CDH17: variants seen among roughly 807,000 people sequenced by gnomAD.
CDH17 encodes the protein cadherin 17, also known as cadherin-17.
A neutral mutation model predicts 86.3 loss-of-function variants in CDH17; 67 were observed. That is an observed-to-expected ratio of 0.78 (90% CI 0.64 to 0.95). CDH17 has a LOEUF of 0.95. Ranked by LOEUF, CDH17 falls within the 40% of genes least tolerant of loss-of-function variation. The pLI is 0.00. For synonymous variants in CDH17, 367 were observed against 366.4 expected, an observed-to-expected ratio of 1.00 and a Z score of -0.02; for missense variants, 993 against 1,017.6, an observed-to-expected ratio of 0.98 and a Z score of 0.33.
In CDH17 at chr8:94,165,972, G is replaced by A; in HGVS notation, c.1071C>T (p.Asn357=). Residue 357 remains asparagine, a synonymous_variant, in exon 10 of 18, where the codon AAC becomes AAT. Transcript: ENST00000027335. The part of the protein sequence containing the change: ...FEVQENERLG[N]SIGTLTAHDR... ...CATGTGCAGTAAGGGTCCCGATACT[G>A]TTACCTATGAGGAAGGAAAGAAGGA... 1 of 1,605,084 alleles carries A rather than the reference G, an allele frequency of 6.2e-7. No homozygotes were observed. The highest frequency in any genetic ancestry group is 1.3e-5 in the African/African-American group (1 of 74,826).
chr8:94,136,157 T>A (rs879313471), intron 15 of CDH17, among the ~76,000 whole-genome samples: 1 of 152,146 alleles, frequency 6.6e-6, no homozygotes, highest in Non-Finnish European at 1.5e-5. Context: ...TCGAGGAGTA[T>A]CTTTGTGGTG....
intron 3 of CDH17, among the ~76,000 whole-genome samples, chr8:94,178,595 T>C (rs1813418615): frequency 6.6e-6 from 1 of 152,098 alleles, no homozygotes; most frequent in East Asian, 1.9e-4. Context: ...AGTGAAATTA[T>C]TATGGCACAT....
chr8:94,156,730 C>T (rs370904499), intron 12 of CDH17, among the ~76,000 whole-genome samples: 8 of 152,220 alleles, frequency 5.3e-5, no homozygotes, highest in African/African-American at 1.9e-4. Context: ...GGAAAGCATA[C>T]CTGTCCGCAG....
intron 1 of CDH17, 73 bp downstream of exon 1, chr8:94,208,410 C>T (rs985269684): frequency 4.6e-5 from 7 of 152,182 alleles, no homozygotes; most frequent in Admixed American, 2.6e-4. Flanking sequence ...TTTTAAGTGC[C>T]CTCCCCCTCC....
At chr8:94,212,073 T>A (rs1335021292), upstream of CDH17, among the ~76,000 whole-genome samples, 3 of 152,214 alleles carry the variant, frequency 2.0e-5, no homozygotes, top group Non-Finnish European at 4.4e-5. Context: ...TGAAGCAGAA[T>A]CTTTCTTAAC....
intron 12 of CDH17, 95 bp from the exon 13 acceptor site, chr8:94,152,207 T>C (rs1812869828): frequency 2.2e-6 from 3 of 1,342,694 alleles, no homozygotes; most frequent in South Asian, 1.4e-5. Context: ...ATATTCGATA[T>C]ATAATATTGG....
In CDH17 at chr8:94,177,688, GT is replaced by G. The variant is rs1452987148; in HGVS notation, c.183del (p.Glu61AspfsTer2). ...FKANPPAVTF[E>X]LTGETDNIFV... ...AATATGTTGTCTGTCTCCCCAGTTA[GT>G]TCAAAAGTCACAGCAGGAGGATTGG... On this transcript the variant is annotated frameshift_variant, in exon 4 of 18. Coordinates refer to ENST00000027335, the MANE Select transcript of CDH17 (RefSeq NM_004063.4). LOFTEE classifies it high-confidence loss of function. 6.2e-7 allele frequency: 1 copy of G among 1,613,558 alleles called. No homozygotes were observed. The highest frequency in any genetic ancestry group is 1.3e-5 in the African/African-American group (1 of 74,886).
intron 9 of CDH17, among the ~76,000 whole-genome samples, 182 bp from the exon 10 acceptor site, chr8:94,166,158 T>A (rs528664937): frequency 1.3e-5 from 2 of 152,362 alleles, no homozygotes; most frequent in South Asian, 4.1e-4. Context: ...ATAGTGTATT[T>A]GTCAGCCAGG....
chr8:94,153,178 A>G (rs1035175997), intron 12 of CDH17, among the ~76,000 whole-genome samples: 5 of 152,200 alleles, frequency 3.3e-5, no homozygotes, highest in Admixed American at 2.6e-4. Flanking sequence ...CAGTAGCAAG[A>G]AAACAACCTG....
chr8:94,139,035 T>C (rs952403895), intron 15 of CDH17, among the ~76,000 whole-genome samples: 8 of 152,130 alleles, frequency 5.3e-5, no homozygotes, highest in Admixed American at 2.0e-4. Context: ...AATTGACGCC[T>C]ACCCAGAAAT....
chr8:94,176,491 C>A, intron 5 of CDH17, 50 bp downstream of exon 5: 3 of 1,603,882 alleles, frequency 1.9e-6, no homozygotes, highest in Non-Finnish European at 2.6e-6. Context: ...GCCCCTTCCA[C>A]CTGACACCCT....
intron 15 of CDH17, among the ~76,000 whole-genome samples, chr8:94,139,668 T>C (rs1332765622): frequency 6.6e-6 from 1 of 152,034 alleles, no homozygotes; most frequent in Non-Finnish European, 1.5e-5. Context: ...TTTGGGAGGC[T>C]GGGGCAGGCA....
chr8:94,203,507 G>A (rs1232823679), intron 1 of CDH17, among the ~76,000 whole-genome samples: 1 of 152,176 alleles, frequency 6.6e-6, no homozygotes, highest in East Asian at 1.9e-4. Context: ...GGCAAGGCCA[G>A]ATAGATATAA....
chr8:94,174,458 C>T (rs2514814), intron 5 of CDH17, among the ~76,000 whole-genome samples, 198 bp from the exon 6 acceptor site: 29,654 of 152,050 alleles, frequency 0.2, 3,366 homozygotes, highest in Non-Finnish European at 0.25. Context: ...GTCCAAGAAC[C>T]TCTAAGGGTC....
chr8:94,160,860 G>A (rs995501609), intron 11 of CDH17, among the ~76,000 whole-genome samples: 17 of 152,328 alleles, frequency 1.1e-4, no homozygotes, highest in African/African-American at 3.8e-4. Context: ...GCTTGGAGAA[G>A]TAAAACCCAC....
chr8:94,138,744 A>G (rs1812580784), intron 15 of CDH17, among the ~76,000 whole-genome samples: 1 of 152,210 alleles, frequency 6.6e-6, no homozygotes, highest in South Asian at 2.1e-4. Flanking sequence ...TAAAAATCTC[A>G]TAATTCATGT....
intron 15 of CDH17, among the ~76,000 whole-genome samples, chr8:94,140,003 T>G (rs560500817): frequency 3.3e-5 from 5 of 152,330 alleles, no homozygotes; most frequent in African/African-American, 1.2e-4. Flanking sequence ...GGTTATGATG[T>G]AATTAAATTA....
At chr8:94,196,009 G>T (rs192648160) in intron 1 of CDH17, among the ~76,000 whole-genome samples, 3 of 151,738 alleles carry the variant, frequency 2.0e-5, no homozygotes, top group Admixed American at 6.6e-5. Context: ...ATCTGCCTGC[G>T]TCGGCCTCCC....
Position 94,189,284 on chromosome 8 carries a change from G to C in CDH17, c.53C>G (p.Ala18Gly). The C allele has an allele frequency of 1.3e-6, 2 of 1,597,732 alleles. No individual in the cohort carries two copies. Among genetic ancestry groups the C allele is most frequent in the South Asian group, 2.3e-5 (2 of 88,056 alleles). Residue 18 changes from alanine (A) to glycine (G), a missense_variant and splice_region_variant, in exon 3 of 18, where the codon GCA becomes GGA. Ala to Gly is a moderately conservative substitution (Grantham distance 60, BLOSUM62 0). Coordinates refer to ENST00000027335, the MANE Select transcript of CDH17 (RefSeq NM_004063.4). ...CTTCCCCTCTTGGCCATATCCAGTT[G>C]CCTGTTAAAAAAGAAAGAGAAAATT... ...HSLCLLMLYL[A>G]TGYGQEGKFS...
Sources: allele counts gnomAD v4.1 joint callset (sites outside exome capture counted in the v4.1 genomes callset), GRCh38; gene constraint gnomAD v4.1.1; transcripts MANE v1.5; gene names NCBI Gene and HGNC (gene_info 2026-07-23, HGNC 2026-07-21).